RANBP10: variants seen among roughly 807,000 people sequenced by gnomAD.
RANBP10 encodes ran-binding protein 10.
In RANBP10, 24 loss-of-function variants were observed where a neutral mutation model predicts 72.8. That is an observed-to-expected ratio of 0.33 (90% CI 0.24 to 0.46). The LOEUF is 0.46. Ranked by LOEUF, RANBP10 falls within the 20% of genes least tolerant of loss-of-function variation. The pLI is 1.00. For synonymous variants in RANBP10, 310 were observed against 322.3 expected, an observed-to-expected ratio of 0.96 and a Z score of 0.41; for missense variants, 679 against 817.5, an observed-to-expected ratio of 0.83 and a Z score of 2.07.
intron 3 of RANBP10, among the ~76,000 whole-genome samples, chr16:67,745,611 A>G (rs1597849602): frequency 6.6e-6 from 1 of 152,326 alleles, no homozygotes; most frequent in East Asian, 1.9e-4. Context: ...TTAAGATTAC[A>G]GGCGTGAGCC....
intron 2 of RANBP10, among the ~76,000 whole-genome samples, chr16:67,790,889 G>A (rs368478880): frequency 1.3e-4 from 19 of 151,016 alleles, no homozygotes; most frequent in African/African-American, 2.2e-4. Flanking sequence ...TAGTAGAGAC[G>A]GGGTCTCATC....
Position 67,727,760 on chromosome 16 carries a change from C to T in RANBP10, c.1611G>A (p.Glu537=), listed in dbSNP as rs1193239131. 2 of 1,614,222 alleles carry T rather than the reference C, an allele frequency of 1.2e-6. No homozygotes were observed. Among genetic ancestry groups the T allele is most frequent in the South Asian group, 2.2e-5 (2 of 91,090 alleles). Residue 537 remains glutamate (E), a synonymous_variant, in exon 12 of 14, where the codon GAG becomes GAA. Coordinates refer to ENST00000317506, the MANE Select transcript of RANBP10 (RefSeq NM_020850.3). ...REYGKNLAHT[E]MLQDAFSLLA... ...CCGGCTCATCCTGTACCTGCAGCAT[C>T]TCTGTGTGGGCCAAATTCTTGCCGT...
chr16:67,806,084 A>G (rs549794096), intron 1 of RANBP10, among the ~76,000 whole-genome samples: 1 of 152,338 alleles, frequency 6.6e-6, no homozygotes, highest in African/African-American at 2.4e-5. Flanking sequence ...GGGTTTGGAC[A>G]CCTGTTGCGG....
At chr16:67,795,809 C>T (rs895000162) in intron 2 of RANBP10, among the ~76,000 whole-genome samples, 13 of 150,532 alleles carry the variant, frequency 8.6e-5, no homozygotes, top group Non-Finnish European at 1.9e-4. Context: ...GAGCTGAGAT[C>T]GCACCACTGC....
chr16:67,778,923 T>A (rs544565076), intron 2 of RANBP10, among the ~76,000 whole-genome samples: 12 of 151,650 alleles, frequency 7.9e-5, no homozygotes, highest in Non-Finnish European at 1.6e-4. Flanking sequence ...CAAAACCCCA[T>A]CTCTACAAAA....
At chr16:67,735,178 C>A in intron 5 of RANBP10, 136 bp from the exon 6 acceptor site, 1 of 722,280 alleles carries the variant, frequency 1.4e-6, no homozygotes, top group Non-Finnish European at 2.2e-6. Context: ...CAGGGCGGAG[C>A]CACCTCTGTC....
At chr16:67,751,651 C>T (rs1161420214) in intron 3 of RANBP10, among the ~76,000 whole-genome samples, 3 of 151,880 alleles carry the variant, frequency 2.0e-5, no homozygotes, top group Admixed American at 1.3e-4. Context: ...CTCAGTGGCT[C>T]ACGCCTATAA....
chr16:67,776,461 C>CA (rs149876935), intron 2 of RANBP10, among the ~76,000 whole-genome samples: 969 of 37,652 alleles, frequency 0.026, 25 homozygotes, highest in Non-Finnish European at 0.032. Context: ...GACTCCATCT[C>CA]AAAAAAAAAA....
At chr16:67,728,012 G>A (rs766744979) in intron 11 of RANBP10, 116 bp from the exon 12 acceptor site, 93 of 1,166,354 alleles carry the variant, frequency 8.0e-5, no homozygotes, top group Non-Finnish European at 1.1e-4. Flanking sequence ...GGCAGGCAGG[G>A]CTGGGAGGAA....
chr16:67,787,582 T>G (rs1184105634), intron 2 of RANBP10, among the ~76,000 whole-genome samples: 2 of 152,164 alleles, frequency 1.3e-5, no homozygotes, highest in African/African-American at 4.8e-5. Flanking sequence ...ACACCAATGT[T>G]TGCTGCAGCA....
chr16:67,766,493 T>G (rs1026688526), intron 3 of RANBP10, among the ~76,000 whole-genome samples: 6 of 152,102 alleles, frequency 3.9e-5, no homozygotes, highest in African/African-American at 1.4e-4. Context: ...CTTGGTGCCC[T>G]CCCAGCGGTA....
At chr16:67,803,477 C>G (rs2055272565) in intron 2 of RANBP10, among the ~76,000 whole-genome samples, 1 of 151,866 alleles carries the variant, frequency 6.6e-6, no homozygotes, top group Non-Finnish European at 1.5e-5. Context: ...ATGGAGAAAC[C>G]CCATCTCTAC....
intron 2 of RANBP10, among the ~76,000 whole-genome samples, chr16:67,795,752 G>A (rs566136720): frequency 4.1e-4 from 62 of 151,254 alleles, no homozygotes; most frequent in African/African-American, 1.5e-3. Flanking sequence ...CTACTCAGGA[G>A]GCTGAGGCAG....
At chr16:67,769,357 T>C (rs1346759985) in intron 3 of RANBP10, among the ~76,000 whole-genome samples, 2 of 141,658 alleles carry the variant, frequency 1.4e-5, no homozygotes, top group Non-Finnish European at 3.0e-5. Context: ...GATGGGAGGA[T>C]CGCTTGAGCC....
chr16:67,781,976 G>A (rs950172600), intron 2 of RANBP10, among the ~76,000 whole-genome samples: 2 of 151,980 alleles, frequency 1.3e-5, no homozygotes. Context: ...CGAGCAAGGG[G>A]GTCCACCCAG....
intron 3 of RANBP10, among the ~76,000 whole-genome samples, chr16:67,749,580 A>G (rs1253120187): frequency 2.6e-5 from 4 of 152,154 alleles, no homozygotes; most frequent in African/African-American, 4.8e-5. Context: ...CTGAGCATCA[A>G]CTCAGCTCCT....
At chr16:67,777,773 T>C (rs1232563956) in intron 2 of RANBP10, among the ~76,000 whole-genome samples, 1 of 152,144 alleles carries the variant, frequency 6.6e-6, no homozygotes, top group Non-Finnish European at 1.5e-5. Flanking sequence ...AAAATCCATA[T>C]GGAATCTCAA....
rs563855326 is a variant in RANBP10 at position 67,746,459 on chromosome 16, C to T, written c.401-2004G>A. ...TCGCGCCACTGAACTCCAGCCTGGG[C>T]GACACAGCAAGACTCCGTCTCAAAA... On this transcript the variant is annotated intron_variant, in intron 3 of 13. Coordinates refer to ENST00000317506, the MANE Select transcript of RANBP10 (RefSeq NM_020850.3). Among the ~76,000 whole-genome samples, 13 of 152,068 alleles carry T rather than the reference C, an allele frequency of 8.5e-5. 1 individual carries two copies. The highest frequency in any genetic ancestry group is 4.2e-4 in the South Asian group (2 of 4,816).
chr16:67,743,575 A>G (rs1053492961), intron 4 of RANBP10, among the ~76,000 whole-genome samples: 2 of 151,918 alleles, frequency 1.3e-5, no homozygotes, highest in African/African-American at 4.8e-5. Flanking sequence ...ACTGATTGCT[A>G]TTTCTCCTGG....
Sources: gnomAD v4.1 joint callset for allele counts (sites outside exome capture counted in the v4.1 genomes callset) on GRCh38, gnomAD v4.1.1 for gene constraint, MANE v1.5 for transcripts, NCBI Gene and HGNC (gene_info 2026-07-23, HGNC 2026-07-21) for gene names.